Variants in CCL7 observed in about 807,000 individuals in gnomAD.
CCL7 encodes C-C motif chemokine 7.
CCL7 carries 8 observed loss-of-function variants against 7.1 expected under a neutral mutation model. The ratio of observed to expected loss-of-function variants is 1.13; its 90% CI spans 0.66 to 2.04. The LOEUF (loss-of-function observed/expected upper bound fraction) is 2.04. CCL7 is among the 30% of genes most tolerant of loss of function. CCL7 has a pLI of 0.00. For missense variants in CCL7, 134 were observed against 113.6 expected (o/e 1.18, Z -0.82); for synonymous variants, 46 against 41.2 (o/e 1.12, Z -0.45).
Position 34,270,304 on chromosome 17 carries a change from C to A in CCL7, c.14C>A (p.Ala5Glu). The part of the protein sequence containing the change: MKAS[A>E]ALLCLLLTAA... ...TCACCCTCCAACATGAAAGCCTCTG[C>A]AGCACTTCTGTGTCTGCTGCTCACA... is the stretch of plus-strand genomic sequence containing the variant. Residue 5 changes from alanine to glutamate, a missense_variant, in exon 1 of 3, where the codon GCA becomes GAA. By Grantham distance (107) the Ala-to-Glu change is moderately radical (BLOSUM62 -1). Transcript: ENST00000378569. 6.2e-7 allele frequency: 1 copy of A among 1,614,196 alleles called. No homozygotes were observed. The highest frequency in any genetic ancestry group is 1.1e-5 in the South Asian group (1 of 91,084).
In CCL7 at chr17:34,271,789, C is replaced by T. The variant is rs201624622; in HGVS notation, c.287C>T (p.Thr96Ile). The change falls in exon 3 of 3, where the codon ACT becomes ATT. Residue 96 changes from threonine to isoleucine, a missense_variant. By Grantham distance (89) the Thr-to-Ile change is moderately conservative (BLOSUM62 -1). Coordinates refer to ENST00000378569, the MANE Select transcript of CCL7 (RefSeq NM_006273.4). ...FMKHLDKKTQ[T>I]PKL ...AAGCACCTGGACAAGAAAACCCAAA[C>T]TCCAAAGCTTTGAACATTCATGACT... 235 of 1,610,236 alleles carry T rather than the reference C, an allele frequency of 1.5e-4. No homozygotes were observed. Among genetic ancestry groups the T allele is most frequent in the Non-Finnish European group, 1.8e-4 (217 of 1,177,266 alleles).
intron 1 of CCL7, 189 bp from the exon 2 acceptor site, chr17:34,270,957 A>T (rs1405951871): frequency 8.9e-6 from 11 of 1,233,594 alleles, no homozygotes; most frequent in Non-Finnish European, 1.1e-5. Flanking sequence ...CCTATTTCAC[A>T]GTCCATAAAA....
At chr17:34,271,398 A>T in intron 2 of CCL7, 135 bp downstream of exon 2, 1 of 745,464 alleles carries the variant, frequency 1.3e-6, no homozygotes, top group Admixed American at 2.5e-5. Context: ...TATCCCAGAC[A>T]TTTGCCAGTG....
Position 34,270,344 on chromosome 17 carries a change from C to G in CCL7, c.54C>G (p.Ser18Arg). 6.2e-7 allele frequency: 1 copy of G among 1,614,180 alleles called. No homozygotes were observed. The highest frequency in any genetic ancestry group is 8.5e-7 in the Non-Finnish European group (1 of 1,179,996). ...LCLLLTAAAFSPQGLAQPVGI... is the reference protein window; with the variant it reads ...LCLLLTAAAFRPQGLAQPVGI... ...TGCTGCTCACAGCAGCTGCTTTCAG[C>G]CCCCAGGGGCTTGCTCAGCCAGGTA... is the stretch of plus-strand genomic sequence containing the variant. The change falls in exon 1 of 3, where the codon AGC (serine) becomes AGG (arginine). Residue 18 changes from serine (S) to arginine (R), a missense_variant. Coordinates refer to ENST00000378569, the MANE Select transcript of CCL7 (RefSeq NM_006273.4).
In CCL7 at chr17:34,272,049, G is replaced by A. The variant is rs1024999905; in HGVS notation, c.*247G>A. On this transcript the variant is annotated 3_prime_UTR_variant, in exon 3 of 3. Transcript: ENST00000378569. ...TGGATGTATATGTCATCTCAGTGCTGTAAAAACTGTGGGATGCTCCTCCCT... is the reference window on the plus strand; with the variant it reads ...TGGATGTATATGTCATCTCAGTGCTATAAAAACTGTGGGATGCTCCTCCCT... The A allele has an allele frequency of 1.1e-5, 4 of 375,580 alleles. No individual in the cohort carries two copies. Among genetic ancestry groups the A allele is most frequent in the Non-Finnish European group, 1.4e-5 (3 of 209,272 alleles). 23.3% of individuals were successfully genotyped at this position (375,580 alleles called of 1,614,324 possible). A position where few individuals can be genotyped will look rare whatever the true frequency, so the allele number is the denominator to read the frequency against.
At chr17:34,271,472 C>A (rs1445262531) in intron 2 of CCL7, among the ~76,000 whole-genome samples, 1 of 152,230 alleles carries the variant, frequency 6.6e-6, no homozygotes, top group East Asian at 1.9e-4. Context: ...TATCATTTTA[C>A]ATCTCAGTTC....
Position 34,271,239 on chromosome 17 carries a change from G to C in CCL7, c.170G>C (p.Ser57Thr). 1 of 1,614,104 alleles carries C rather than the reference G, an allele frequency of 6.2e-7. No homozygotes were observed. Among genetic ancestry groups the C allele is most frequent in the East Asian group, 2.2e-5 (1 of 44,860 alleles). ...RLESYRRTTS[S>T]HCPREAVIFK... ...GAGAGCTACAGAAGGACCACCAGTA[G>C]CCACTGTCCCCGGGAAGCTGTAATG... is the stretch of plus-strand genomic sequence containing the variant. The change falls in exon 2 of 3, where the codon AGC becomes ACC. Residue 57 changes from serine (S) to threonine (T), a missense_variant. Transcript: ENST00000378569.
chr17:34,270,589 G>T (rs1047641165), intron 1 of CCL7, among the ~76,000 whole-genome samples: 9 of 152,218 alleles, frequency 5.9e-5, no homozygotes, highest in Admixed American at 5.9e-4. Flanking sequence ...CTCCTTCTAG[G>T]ATTCCAGCTC....
chr17:34,271,519 G>T (rs1382836297), intron 2 of CCL7, among the ~76,000 whole-genome samples, 178 bp from the exon 3 acceptor site: 2 of 152,106 alleles, frequency 1.3e-5, no homozygotes, highest in Non-Finnish European at 1.5e-5. Context: ...ATTCACTTGG[G>T]CTACCAAAAA....
At chr17:34,270,763 C>T (rs1032606328) in intron 1 of CCL7, among the ~76,000 whole-genome samples, 18 of 152,160 alleles carry the variant, frequency 1.2e-4, no homozygotes, top group Non-Finnish European at 2.4e-4. Context: ...GAAACAGCAG[C>T]TCTGCAGAGG....
rs1336709372 is a variant in CCL7, at chr17:34,271,280, C to T, written c.194+17C>T. 1 of 1,600,778 alleles carries T rather than the reference C, an allele frequency of 6.2e-7. No homozygotes were observed. The highest frequency in any genetic ancestry group is 8.6e-7 in the Non-Finnish European group (1 of 1,168,762). On this transcript the variant is annotated intron_variant, in intron 2 of 2. Coordinates refer to ENST00000378569, the MANE Select transcript of CCL7 (RefSeq NM_006273.4). ...AGCTGTAATGTATGTGGACGATGAC[C>T]ACCCACCCCTCACACCTCAGTCCTA...
chr17:34,270,651 G>A (rs764486636), intron 1 of CCL7, among the ~76,000 whole-genome samples: 115 of 152,118 alleles, frequency 7.6e-4, no homozygotes, highest in Non-Finnish European at 7.2e-4. Context: ...GCAGAATTTG[G>A]GATCAGGGTG....
rs778436057 is a variant in CCL7 at position 34,270,353 on chromosome 17, G to C, written c.63G>C (p.Gly21=). ...LLTAAAFSPQ[G]LAQPVGINTS... is the part of the protein sequence containing the mutation. Reference sequence around the variant, plus strand: ...CAGCAGCTGCTTTCAGCCCCCAGGGGCTTGCTCAGCCAGGTAAGGTCCCTC... The same window carrying C: ...CAGCAGCTGCTTTCAGCCCCCAGGGCCTTGCTCAGCCAGGTAAGGTCCCTC... The change falls in exon 1 of 3, where the codon GGG becomes GGC. Residue 21 remains glycine (G), a synonymous_variant. Coordinates refer to ENST00000378569, the MANE Select transcript of CCL7 (RefSeq NM_006273.4). The C allele has an allele frequency of 1.2e-6, 2 of 1,614,016 alleles. No individual in the cohort carries two copies. The highest frequency in any genetic ancestry group is 1.3e-5 in the African/African-American group (1 of 74,922).
intron 2 of CCL7, 68 bp downstream of exon 2, chr17:34,271,331 A>C (rs979500215): frequency 1.0e-5 from 13 of 1,269,416 alleles, no homozygotes; most frequent in Admixed American, 1.9e-5. Context: ...AGGGAATAGG[A>C]CTAGTATCAG....
At position 34,271,273 on chromosome 17, in the gene CCL7, C is replaced by T. The variant is rs368017143; in HGVS notation, c.194+10C>T. 3.0e-5 allele frequency: 48 copies of T among 1,607,216 alleles called. No homozygotes were observed. Among genetic ancestry groups the T allele is most frequent in the South Asian group, 9.9e-5 (9 of 90,684 alleles). On this transcript the variant is annotated intron_variant, in intron 2 of 2. Transcript: ENST00000378569. ...CCCGGGAAGCTGTAATGTATGTGGA[C>T]GATGACCACCCACCCCTCACACCTC...
At chr17:34,270,713 C>T (rs1380967732) in intron 1 of CCL7, among the ~76,000 whole-genome samples, 4 of 152,094 alleles carry the variant, frequency 2.6e-5, no homozygotes, top group African/African-American at 7.2e-5. Flanking sequence ...TTCCAGATAC[C>T]GGGAGACCCA....
At position 34,271,147 on chromosome 17, in the gene CCL7, T is replaced by G. The variant is rs781018989; in HGVS notation, c.78T>G (p.Val26=). The change falls in exon 2 of 3, where the codon GTT becomes GTG. Residue 26 remains valine, a splice_region_variant and synonymous_variant. Transcript: ENST00000378569. ...AFSPQGLAQP[V]GINTSTTCCY... ...TTTCTTCTTGTTGTTTCATTGCAGT[T>G]GGGATTAATACTTCAACTACCTGCT... is the stretch of plus-strand genomic sequence containing the variant. 28 of 1,614,118 alleles carry G rather than the reference T, an allele frequency of 1.7e-5. No individual in the cohort carries two copies. In the East Asian group the frequency reaches 6.0e-4, roughly 35 times the overall value.
intron 1 of CCL7, among the ~76,000 whole-genome samples, chr17:34,270,826 AG>A (rs930866529): frequency 2.8e-4 from 43 of 152,298 alleles, no homozygotes; most frequent in African/African-American, 9.9e-4. Flanking sequence ...AGAGCCTAAA[AG>A]GGGATCCATA....
At position 34,271,850 on chromosome 17, in the gene CCL7, A is replaced by T; in HGVS notation, c.*48A>T. The T allele has an allele frequency of 1.8e-6, 2 of 1,136,398 alleles. No individual in the cohort carries two copies. The highest frequency in any genetic ancestry group is 2.7e-6 in the Non-Finnish European group (2 of 753,524). The allele number at this position is 1,136,398 out of a possible 1,614,324, so 70.4% of individuals were successfully genotyped here. A position where few individuals can be genotyped will look rare whatever the true frequency, so the allele number is the denominator to read the frequency against. On this transcript the variant is annotated 3_prime_UTR_variant, in exon 3 of 3. Coordinates refer to ENST00000378569, the MANE Select transcript of CCL7 (RefSeq NM_006273.4). The stretch of plus-strand genomic sequence containing the variant: ...CAAGCCATGACTTGAGAAACAAATA[A>T]TTTGTATACCCTGTCCTTTCTCAGA...
Sources: gnomAD v4.1 joint callset for allele counts (sites outside exome capture counted in the v4.1 genomes callset) on GRCh38, gnomAD v4.1.1 for gene constraint, MANE v1.5 for transcripts, NCBI Gene and HGNC (gene_info 2026-07-23, HGNC 2026-07-21) for gene names.